The following RNF181 variants were observed in gnomAD, a reference collection of about 807,000 sequenced individuals.
RNF181 encodes ring finger protein 181, also known as E3 ubiquitin-protein ligase RNF181.
A neutral mutation model predicts 23.3 loss-of-function variants in RNF181; 25 were observed. The ratio of observed to expected loss-of-function variants is 1.07; its 90% CI spans 0.78 to 1.50. RNF181 has a LOEUF of 1.50. RNF181 is among the 40% of genes most tolerant of loss of function. The pLI is 0.00. For synonymous variants in RNF181, 62 were observed against 70.9 expected (o/e 0.87, Z 0.63); for missense variants, 167 against 191.1 (o/e 0.87, Z 0.74).
In RNF181 at chr2:85,596,836, G is replaced by T; in HGVS notation, c.232G>T (p.Val78Leu). Reference sequence around the variant, plus strand: ...CCTTCCTAAAGAGCTCAAGTGCCCCGTGTGTCTTTTGGAATTTGAGGAGGA... The same window carrying T: ...CCTTCCTAAAGAGCTCAAGTGCCCCTTGTGTCTTTTGGAATTTGAGGAGGA... ...RGSQAELKCP[V>L]CLLEFEEEET... Residue 78 changes from valine (V) to leucine (L), a missense_variant, in exon 3 of 5, where the codon GTG becomes TTG. Val to Leu is a conservative substitution (Grantham distance 32). Coordinates refer to ENST00000306368, the MANE Select transcript of RNF181 (RefSeq NM_016494.4). 1.2e-6 allele frequency: 2 copies of T among 1,614,204 alleles called. No homozygotes were observed. The highest frequency in any genetic ancestry group is 1.7e-5 in the Admixed American group (1 of 60,026).
At chr2:85,595,903 G>A (rs1176036219) in intron 1 of RNF181, 54 bp downstream of exon 1, 3 of 1,517,838 alleles carry the variant, frequency 2.0e-6, no homozygotes, top group East Asian at 4.6e-5. Context: ...CTGGGCTGGG[G>A]CTGGCTGGAG....
chr2:85,596,703 C>T, intron 2 of RNF181, 54 bp downstream of exon 2: 1 of 1,613,636 alleles, frequency 6.2e-7, no homozygotes, highest in Non-Finnish European at 8.5e-7. Context: ...CTTCCCCAAG[C>T]CAGACTGTGG....
chr2:85,596,698 C>G, intron 2 of RNF181, 49 bp downstream of exon 2: 1 of 1,613,788 alleles, frequency 6.2e-7, no homozygotes, highest in Non-Finnish European at 8.5e-7. Context: ...CACCCCTTCC[C>G]CAAGCCAGAC....
In RNF181 at chr2:85,597,680, C is replaced by CCTCCAT; in HGVS notation, c.*177_*178insTCCATC. 7.8e-7 allele frequency: 1 copy of CCTCCAT among 1,284,786 alleles called. No individual in the cohort carries two copies. Among genetic ancestry groups the CCTCCAT allele is most frequent in the Non-Finnish European group, 1.0e-6 (1 of 970,636 alleles). 79.6% of individuals were successfully genotyped at this position (1,284,786 alleles called of 1,614,324 possible). ...AGGTGATCCTAAATCGCAGAAGGCA[C>CCTCCAT]CAGGCTGCGGTTTTCCTCCCTGCTG... On this transcript the variant is annotated 3_prime_UTR_variant, in exon 5 of 5. Transcript: ENST00000306368.
intron 3 of RNF181, 83 bp downstream of exon 3, chr2:85,597,014 GGAA>G: frequency 6.2e-7 from 1 of 1,614,086 alleles, no homozygotes; most frequent in African/African-American, 1.3e-5. Flanking sequence ...GCTGGGGGAT[GGAA>G]GAAGAGTGGC....
rs934364318 is a variant in RNF181, at chr2:85,597,547, A to C, written c.*43A>C. 5.6e-6 allele frequency: 9 copies of C among 1,612,160 alleles called. No homozygotes were observed. Among genetic ancestry groups the C allele is most frequent in the Non-Finnish European group, 6.8e-6 (8 of 1,179,284 alleles). ...GCTGGCCCTCTGCGTCTTCCTTATT[A>C]ACCTTGAATCCTCATTAAAGGTTTC... On this transcript the variant is annotated 3_prime_UTR_variant, in exon 5 of 5. Coordinates refer to ENST00000306368, the MANE Select transcript of RNF181 (RefSeq NM_016494.4).
In RNF181 at chr2:85,596,522, A is replaced by T. The variant is rs1672674419; in HGVS notation, c.90A>T (p.Ser30=). The change falls in exon 2 of 5, where the codon TCA becomes TCT. Residue 30 remains serine, a synonymous_variant. Transcript: ENST00000306368. ...RTNMLLELAR[S]LFNRMDFEDL... ...GACTTTACATCCCCTTCCCCAGGTC[A>T]CTTTTCAATAGGATGGACTTTGAAG... is the stretch of plus-strand genomic sequence containing the variant. 2.5e-6 allele frequency: 4 copies of T among 1,600,324 alleles called. No individual in the cohort carries two copies. Among genetic ancestry groups the T allele is most frequent in the Non-Finnish European group, 2.6e-6 (3 of 1,174,320 alleles).
rs972067846 is a variant in RNF181 at position 85,595,752 on chromosome 2, G to A, written c.-12G>A. 5 of 1,612,952 alleles carry A rather than the reference G, an allele frequency of 3.1e-6. No homozygotes were observed. Among genetic ancestry groups the A allele is most frequent in the African/African-American group, 1.3e-5 (1 of 74,908 alleles). ...GCAGGGTCCGAGGGCTGTGTCAGAA[G>A]GCTGGGCAGCCATGGCGTCCTATTT... On this transcript the variant is annotated 5_prime_UTR_variant, in exon 1 of 5. Coordinates refer to ENST00000306368, the MANE Select transcript of RNF181 (RefSeq NM_016494.4).
rs750682858 is a variant in RNF181, at chr2:85,597,178, G to C, written c.402G>C (p.Lys134Asn). 2 of 1,611,036 alleles carry C rather than the reference G, an allele frequency of 1.2e-6. No individual in the cohort carries two copies. Among genetic ancestry groups the C allele is most frequent in the South Asian group, 1.1e-5 (1 of 90,840 alleles). Residue 134 changes from lysine to asparagine, a missense_variant and splice_region_variant, in exon 4 of 5, where the codon AAG becomes AAC. Lys to Asn is a moderately conservative substitution (Grantham distance 94). Transcript: ENST00000306368. ...DDTYEEHRRD[K>N]ARKQQQQHRL... ...CTTATGAGGAGCACAGACGAGATAA[G>C]GTAGGGGCTGATGCTTAAGTGGAGG...
Position 85,597,176 on chromosome 2 carries a change from A to G in RNF181, c.400A>G (p.Lys134Glu). The change falls in exon 4 of 5, where the codon AAG (lysine) becomes GAG (glutamate). Residue 134 changes from lysine (K) to glutamate (E), a missense_variant and splice_region_variant. Physicochemically the swap from Lys to Glu is moderately conservative, Grantham distance 56 (BLOSUM62 1). Coordinates refer to ENST00000306368, the MANE Select transcript of RNF181 (RefSeq NM_016494.4). ...DDTYEEHRRD[K>E]ARKQQQQHRL... The stretch of plus-strand genomic sequence containing the variant: ...CACTTATGAGGAGCACAGACGAGAT[A>G]AGGTAGGGGCTGATGCTTAAGTGGA... The G allele has an allele frequency of 1.2e-6, 2 of 1,612,518 alleles. No individual in the cohort carries two copies. The highest frequency in any genetic ancestry group is 1.1e-5 in the South Asian group (1 of 90,904).
rs182365001 is a variant in RNF181 at position 85,596,798 on chromosome 2, C to T, written c.218-24C>T. 9.9e-5 allele frequency: 159 copies of T among 1,611,890 alleles called. No homozygotes were observed. The African/African-American group carries it at 1.9e-3, about 19-fold the overall frequency. On this transcript the variant is annotated intron_variant, in intron 2 of 4. Coordinates refer to ENST00000306368, the MANE Select transcript of RNF181 (RefSeq NM_016494.4). ...GGGAGGCAGAGCCTGTAGCAGCTCT[C>T]CTGATCAGCACTCCTTCCTAAAGAG...
Position 85,595,813 on chromosome 2 carries a change from A to G in RNF181, c.50A>G (p.Gln17Arg). 8 of 1,614,070 alleles carry G rather than the reference A, an allele frequency of 5.0e-6. No homozygotes were observed. The highest frequency in any genetic ancestry group is 2.2e-5 in the South Asian group (2 of 91,078). Residue 17 changes from glutamine to arginine, a missense_variant, in exon 1 of 5, where the codon CAG becomes CGG. Physicochemically the swap from Gln to Arg is conservative, Grantham distance 43. Coordinates refer to ENST00000306368, the MANE Select transcript of RNF181 (RefSeq NM_016494.4). ...GACTGCGAGCCGTCGGACCCTGAGCAGGAGACGCGAACCAACATGCTGCTG... is the reference window on the plus strand; with the variant it reads ...GACTGCGAGCCGTCGGACCCTGAGCGGGAGACGCGAACCAACATGCTGCTG... ...EHDCEPSDPEQETRTNMLLEL... is the reference protein window; with the variant it reads ...EHDCEPSDPERETRTNMLLEL...
rs756430857 is a variant in RNF181 at position 85,596,871 on chromosome 2, C to T, written c.267C>T (p.Ala89=). Residue 89 remains alanine, a synonymous_variant, in exon 3 of 5, where the codon GCC becomes GCT. Transcript: ENST00000306368. ...CLLEFEEEET[A]IEMPCHHLFH... ...TGGAATTTGAGGAGGAGGAGACTGC[C>T]ATTGAGATGCCTTGCCATCACCTTT... is the stretch of plus-strand genomic sequence containing the variant. 4 of 1,614,188 alleles carry T rather than the reference C, an allele frequency of 2.5e-6. No individual in the cohort carries two copies. The highest frequency in any genetic ancestry group is 3.4e-6 in the Non-Finnish European group (4 of 1,180,020).
At position 85,597,673 on chromosome 2, in the gene RNF181, GA is replaced by G; in HGVS notation, c.*171del. The G allele has an allele frequency of 7.5e-7, 1 of 1,328,612 alleles. No individual in the cohort carries two copies. Among genetic ancestry groups the G allele is most frequent in the South Asian group, 1.6e-5 (1 of 60,992 alleles). 82.3% of individuals were successfully genotyped at this position (1,328,612 alleles called of 1,614,324 possible). A position where few individuals can be genotyped will look rare whatever the true frequency, so the allele number is the denominator to read the frequency against. ...TTGGGGAAGGTGATCCTAAATCGCA[GA>G]AGGCACCAGGCTGCGGTTTTCCTCC... is the stretch of plus-strand genomic sequence containing the variant. On this transcript the variant is annotated 3_prime_UTR_variant, in exon 5 of 5. Coordinates refer to ENST00000306368, the MANE Select transcript of RNF181 (RefSeq NM_016494.4).
In RNF181 at chr2:85,596,942, T is replaced by C. The variant is rs1672685708; in HGVS notation, c.327+11T>C. ...CCCTGGCTAAGCAAGGTACTGCTTC[T>C]CTTCTTCTAGCTCTCACCGTGCCCT... On this transcript the variant is annotated intron_variant, in intron 3 of 4. Transcript: ENST00000306368. The C allele has an allele frequency of 1.9e-6, 3 of 1,613,968 alleles. No individual in the cohort carries two copies. Among genetic ancestry groups the C allele is most frequent in the African/African-American group, 2.7e-5 (2 of 74,926 alleles).
intron 1 of RNF181, 113 bp downstream of exon 1, chr2:85,595,962 T>C: frequency 4.5e-6 from 4 of 898,446 alleles, no homozygotes; most frequent in Non-Finnish European, 7.2e-6. Context: ...AGATGAGTAA[T>C]CTGGAGTGTT....
At position 85,597,112 on chromosome 2, in the gene RNF181, C is replaced by T. The variant is rs1180196784; in HGVS notation, c.336C>T (p.Ser112=). 1.5e-5 allele frequency: 24 copies of T among 1,614,178 alleles called. No homozygotes were observed. Among genetic ancestry groups the T allele is most frequent in the Non-Finnish European group, 2.0e-5 (24 of 1,180,024 alleles). Residue 112 remains serine, a synonymous_variant, in exon 4 of 5, where the codon TCC becomes TCT. Transcript: ENST00000306368. ...CILPWLSKTN[S]CPLCRYELPT... ...TACTCTACTTTTCTCAGACAAATTC[C>T]TGTCCCTTGTGCCGCTATGAGCTGC...
At position 85,596,745 on chromosome 2, in the gene RNF181, G is replaced by A. The variant is rs758130256; in HGVS notation, c.218-77G>A. 1.7e-5 allele frequency: 28 copies of A among 1,610,516 alleles called. No homozygotes were observed. The African/African-American group carries it at 2.3e-4, about 13-fold the overall frequency. ...CCTTCAGTTTTCCAGGTCAGGTGGG[G>A]GCAAGTGTCCTTCAGGAGTGGGAGC... On this transcript the variant is annotated intron_variant, in intron 2 of 4. Transcript: ENST00000306368.
intron 3 of RNF181, 66 bp downstream of exon 3, chr2:85,596,997 A>T (rs985211329): frequency 6.2e-7 from 1 of 1,614,008 alleles, no homozygotes; most frequent in Non-Finnish European, 8.5e-7. Context: ...CTTTCTGTTC[A>T]TGGACTGCTG....
Sources: allele counts gnomAD v4.1 joint callset, GRCh38; gene constraint gnomAD v4.1.1; transcripts MANE v1.5; gene names NCBI Gene and HGNC (gene_info 2026-07-23, HGNC 2026-07-21).